The following CNPY4 variants were observed in gnomAD, a reference collection of about 807,000 sequenced individuals.
CNPY4 encodes the protein protein canopy homolog 4.
A neutral mutation model predicts 30.1 loss-of-function variants in CNPY4; 33 were observed. The ratio of observed to expected loss-of-function variants is 1.10; its 90% CI spans 0.83 to 1.46. The LOEUF is 1.46. CNPY4 is among the 40% of genes most tolerant of loss of function. The pLI is 0.00. For missense variants in CNPY4, 324 were observed against 302.6 expected (o/e 1.07, Z -0.52); for synonymous variants, 109 against 110.1 (o/e 0.99, Z 0.06).
rs1473969713 is a variant in CNPY4, at chr7:100,119,686, C to A, written c.-59C>A. The A allele has an allele frequency of 6.2e-7, 1 of 1,613,466 alleles. No homozygotes were observed. ...CTAGCCGCCTGGGAATTTAAGGGACCCACACTACCTTCCCGAAGTTGAAGG... is the reference window on the plus strand; with the variant it reads ...CTAGCCGCCTGGGAATTTAAGGGACACACACTACCTTCCCGAAGTTGAAGG... On this transcript the variant is annotated 5_prime_UTR_variant, in exon 1 of 6. Coordinates refer to ENST00000262932, the MANE Select transcript of CNPY4 (RefSeq NM_152755.2).
At chr7:100,121,118 T>TATATATATA (rs1798048567) in intron 1 of CNPY4, 6 of 31,896 alleles carry the variant, frequency 1.9e-4, no homozygotes, top group Admixed American at 5.3e-4. Context: ...ATATATATAT[T>TATATATATA]TTTTTTTTTT....
chr7:100,122,018 A>C lies in CNPY4; in HGVS notation c.119-241A>C, dbSNP rs372605846. 3.2e-4 allele frequency: 132 copies of C among 417,720 alleles called. No individual in the cohort carries two copies. In the East Asian group the frequency reaches 5.0e-3, roughly 16 times the overall value. 25.9% of individuals were successfully genotyped at this position (417,720 alleles called of 1,614,324 possible). A position where few individuals can be genotyped will look rare whatever the true frequency, so the allele number is the denominator to read the frequency against. On this transcript the variant is annotated intron_variant, in intron 1 of 5. Coordinates refer to ENST00000262932, the MANE Select transcript of CNPY4 (RefSeq NM_152755.2). ...TGAGCCGAGACTGCGCCACTGCACT[A>C]CAGCCTGGGCGACAGAGCGAGAGTC...
intron 4 of CNPY4, among the ~76,000 whole-genome samples, chr7:100,123,270 A>T (rs1798120402): frequency 3.3e-5 from 5 of 151,798 alleles, no homozygotes. Flanking sequence ...TGAATCCAGG[A>T]GGTGGAGGTT....
rs1584590160 is a variant in CNPY4 at position 100,124,643 on chromosome 7, G to GT, written c.583+12_583+13insT. 4.3e-6 allele frequency: 7 copies of GT among 1,611,678 alleles called. No homozygotes were observed. In the East Asian group the frequency reaches 1.6e-4, roughly 36 times the overall value. On this transcript the variant is annotated intron_variant, in intron 5 of 5. Coordinates refer to ENST00000262932, the MANE Select transcript of CNPY4 (RefSeq NM_152755.2). ...AGCTGCTGAAACTGGTAAGCGTAAG[G>GT]GTTGAACTCCTCTCCTGCCAAGCCA...
intron 1 of CNPY4, 58 bp from the exon 2 acceptor site, chr7:100,122,201 A>G: frequency 6.2e-7 from 1 of 1,605,504 alleles, no homozygotes; most frequent in South Asian, 1.1e-5. Context: ...CATCTGCAGA[A>G]TGAATGGCTG....
chr7:100,119,693 AC>A lies in CNPY4; in HGVS notation c.-50del, dbSNP rs754204281. 1.9e-5 allele frequency: 30 copies of A among 1,613,588 alleles called. No individual in the cohort carries two copies. In the South Asian group the frequency reaches 3.2e-4, roughly 17 times the overall value. On this transcript the variant is annotated 5_prime_UTR_variant, in exon 1 of 6. Coordinates refer to ENST00000262932, the MANE Select transcript of CNPY4 (RefSeq NM_152755.2). ...CCTGGGAATTTAAGGGACCCACACT[AC>A]CTTCCCGAAGTTGAAGGCAAGCGGT...
chr7:100,120,361 A>G (rs1016243412), intron 1 of CNPY4: 2 of 152,722 alleles, frequency 1.3e-5, no homozygotes, highest in Admixed American at 6.5e-5. Context: ...AAGCCACACA[A>G]CTAGGAGAGT....
Position 100,125,009 on chromosome 7 carries a change from G to C in CNPY4, c.*121G>C. Reference sequence around the variant, plus strand: ...AGTGACTCCACCCAAGCTTGTAGCTGTTCTCTCCCATCTAACCTCAGGCAA... The same window carrying C: ...AGTGACTCCACCCAAGCTTGTAGCTCTTCTCTCCCATCTAACCTCAGGCAA... On this transcript the variant is annotated 3_prime_UTR_variant, in exon 6 of 6. Coordinates refer to ENST00000262932, the MANE Select transcript of CNPY4 (RefSeq NM_152755.2). 4 of 1,185,070 alleles carry C rather than the reference G, an allele frequency of 3.4e-6. No homozygotes were observed. The allele number at this position is 1,185,070 out of a possible 1,614,324, so 73.4% of individuals were successfully genotyped here. A position where few individuals can be genotyped will look rare whatever the true frequency, so the allele number is the denominator to read the frequency against.
intron 1 of CNPY4, among the ~76,000 whole-genome samples, chr7:100,121,768 C>T (rs1202625328): frequency 4.7e-5 from 7 of 149,458 alleles, no homozygotes; most frequent in South Asian, 2.3e-4. Context: ...ATGAAGAAAC[C>T]GGCCGGGCGT....
rs758790022 is a variant in CNPY4 at position 100,119,831 on chromosome 7, T to A, written c.87T>A (p.Asp29Glu). Residue 29 changes from aspartate to glutamate, a missense_variant, in exon 1 of 6, where the codon GAT becomes GAA. Coordinates refer to ENST00000262932, the MANE Select transcript of CNPY4 (RefSeq NM_152755.2). The part of the protein sequence containing the change: ...AWAGMLKEED[D>E]DTERLPSKCE... Reference sequence around the variant, plus strand: ...CTGGGATGTTGAAGGAGGAGGACGATGACACAGAACGCTTGCCCAGCAAAT... The same window carrying A: ...CTGGGATGTTGAAGGAGGAGGACGAAGACACAGAACGCTTGCCCAGCAAAT... The A allele has an allele frequency of 1.2e-6, 2 of 1,613,704 alleles. No individual in the cohort carries two copies. Among genetic ancestry groups the A allele is most frequent in the Non-Finnish European group, 1.7e-6 (2 of 1,179,894 alleles).
rs753376538 is a variant in CNPY4, at chr7:100,122,386, G to A, written c.245+1G>A. 2.7e-5 allele frequency: 43 copies of A among 1,613,976 alleles called. No individual in the cohort carries two copies. The highest frequency in any genetic ancestry group is 9.3e-5 in the African/African-American group (7 of 74,912). On this transcript the variant is annotated splice_donor_variant, in intron 2 of 5. Transcript: ENST00000262932. LOFTEE classifies it high-confidence loss of function. ...AGAGACACGTGCCTTACAGCGTTTCGTGAGTCCTTCGTGCTCCTCCCCTTT... is the reference window on the plus strand; with the variant it reads ...AGAGACACGTGCCTTACAGCGTTTCATGAGTCCTTCGTGCTCCTCCCCTTT...
At chr7:100,122,945 G>A (rs1212275934) in intron 4 of CNPY4, 39 bp downstream of exon 4, 1 of 1,579,890 alleles carries the variant, frequency 6.3e-7, no homozygotes, top group Admixed American at 1.8e-5. Context: ...AGGTGAGAAG[G>A]GAACCTGAGA....
intron 4 of CNPY4, 156 bp from the exon 5 acceptor site, chr7:100,124,354 ATGTT>A: frequency 6.7e-6 from 4 of 601,098 alleles, no homozygotes; most frequent in South Asian, 2.1e-5. Flanking sequence ...GTGCTGGTAA[ATGTT>A]TGTTGAATGA....
At chr7:100,123,800 A>G (rs1798144986) in intron 4 of CNPY4, among the ~76,000 whole-genome samples, 2 of 152,162 alleles carry the variant, frequency 1.3e-5, no homozygotes, top group Admixed American at 6.5e-5. Flanking sequence ...GATTACAGGC[A>G]TGAGCCATTG....
chr7:100,121,117 T>TATATATATATATATATATA (rs1491228284), intron 1 of CNPY4: 18 of 35,118 alleles, frequency 5.1e-4, no homozygotes, highest in African/African-American at 7.7e-4. Flanking sequence ...TATATATATA[T>TATATATATATATATATATA]TTTTTTTTTT....
intron 1 of CNPY4, chr7:100,120,198 C>T: frequency 5.4e-6 from 1 of 186,646 alleles, no homozygotes; most frequent in Non-Finnish European, 1.1e-5. Context: ...AGACCTTAAT[C>T]TGCAGAGGCT....
In CNPY4 at chr7:100,122,283, T is replaced by C; in HGVS notation, c.143T>C (p.Leu48Pro). ...CEVCKLLSTE[L>P]QAELSRTGRS... ...GTGTGTAAGCTGCTGAGCACAGAGC[T>C]ACAGGCGGAACTGAGTCGCACCGGT... Residue 48 changes from leucine to proline, a missense_variant, in exon 2 of 6, where the codon CTA becomes CCA. Leu to Pro is a moderately conservative substitution (Grantham distance 98). Coordinates refer to ENST00000262932, the MANE Select transcript of CNPY4 (RefSeq NM_152755.2). The C allele has an allele frequency of 6.2e-7, 1 of 1,612,816 alleles. No homozygotes were observed. Among genetic ancestry groups the C allele is most frequent in the Non-Finnish European group, 8.5e-7 (1 of 1,179,264 alleles).
intron 1 of CNPY4, 128 bp downstream of exon 1, chr7:100,119,990 C>T (rs1400748770): frequency 8.7e-6 from 7 of 802,348 alleles, no homozygotes; most frequent in Non-Finnish European, 1.3e-5. Context: ...TCTGGTGGAG[C>T]TTGGCTGAAT....
In CNPY4 at chr7:100,119,642, G is replaced by A. The variant is rs148301923; in HGVS notation, c.-103G>A. On this transcript the variant is annotated 5_prime_UTR_variant, in exon 1 of 6. Coordinates refer to ENST00000262932, the MANE Select transcript of CNPY4 (RefSeq NM_152755.2). ...CCTGCGCATGCGCCGACCTTCCTCG[G>A]CTGGATTTAAGGTTGCCGCTAGCCG... is the stretch of plus-strand genomic sequence containing the variant. 4.5e-4 allele frequency: 725 copies of A among 1,603,390 alleles called. 6 individuals are homozygous for A. Among genetic ancestry groups the A allele is most frequent in the South Asian group, 3.4e-3 (306 of 90,222 alleles).
Sources: gnomAD v4.1 joint callset for allele counts (sites outside exome capture counted in the v4.1 genomes callset) on GRCh38, gnomAD v4.1.1 for gene constraint, MANE v1.5 for transcripts, NCBI Gene and HGNC (gene_info 2026-07-23, HGNC 2026-07-21) for gene names.